PTPRT: variants seen among roughly 807,000 people sequenced by gnomAD.
The protein encoded by PTPRT is receptor-type tyrosine-protein phosphatase T.
A neutral mutation model predicts 176.8 loss-of-function variants in PTPRT; 56 were observed. That is an observed-to-expected ratio of 0.32 (90% CI 0.26 to 0.40). The LOEUF is 0.40. Among genes scored for constraint, PTPRT ranks in the 10% least tolerant of loss-of-function variants. The pLI, the probability that PTPRT is intolerant of heterozygous loss-of-function variation, is 1.00. For synonymous variants in PTPRT, 783 were observed against 739.0 expected (o/e 1.06, Z -0.96); for missense variants, 1,540 against 1,908.2 (o/e 0.81, Z 3.60).
chr20:43,122,053 C>T (rs907429067), intron 1 of PTPRT, among the ~76,000 whole-genome samples: 1 of 152,154 alleles, frequency 6.6e-6, no homozygotes, highest in Non-Finnish European at 1.5e-5. Flanking sequence ...ATTCTAGTCC[C>T]CGGCTTCAGC....
At chr20:42,131,040 CAT>C (rs1988099586) in intron 18 of PTPRT, among the ~76,000 whole-genome samples, 1 of 152,196 alleles carries the variant, frequency 6.6e-6, no homozygotes, top group African/African-American at 2.4e-5. Flanking sequence ...AGTTACGCAT[CAT>C]GTGTGTGGCA....
At position 42,110,299 on chromosome 20, in the gene PTPRT, C is replaced by T. The variant is rs1986893517; in HGVS notation, c.3254+34G>A. 31 of 1,562,842 alleles carry T rather than the reference C, an allele frequency of 2.0e-5. No individual in the cohort carries two copies. The East Asian group carries it at 7.0e-4, about 35-fold the overall frequency. On this transcript the variant is annotated intron_variant, in intron 23 of 30. Coordinates refer to ENST00000373187, the MANE Select transcript of PTPRT (RefSeq NM_007050.6). ...ACTCCTGACCTCGTGATCTGCCCGC[C>T]TCGGCCTCCCAAGGTGAAGGACCTT...
intron 1 of PTPRT, among the ~76,000 whole-genome samples, chr20:43,004,188 A>T (rs1333269843): frequency 1.3e-5 from 2 of 148,958 alleles, no homozygotes; most frequent in African/African-American, 5.0e-5. Flanking sequence ...AAAAAAAAAG[A>T]CTACAAATAT....
chr20:42,936,326 A>G (rs1980189081), intron 1 of PTPRT, among the ~76,000 whole-genome samples: 1 of 152,234 alleles, frequency 6.6e-6, no homozygotes. Context: ...GTCTGGGGGA[A>G]GAGCATTTAG....
intron 7 of PTPRT, among the ~76,000 whole-genome samples, chr20:42,633,784 AATATATATATATATAT>A (rs752371452): frequency 0.27 from 14,666 of 53,406 alleles, 1,792 homozygotes; most frequent in Middle Eastern, 0.36. Flanking sequence ...AGACTCTGAA[AATATATATATATATAT>A]ATATATATAT....
chr20:43,027,572 C>T (rs958990317), intron 1 of PTPRT, among the ~76,000 whole-genome samples: 3 of 151,894 alleles, frequency 2.0e-5, no homozygotes, highest in African/African-American at 4.8e-5. Flanking sequence ...ACAGCAGGGA[C>T]GTGTGGCACA....
At chr20:42,473,720 C>T (rs2071239148) in intron 7 of PTPRT, among the ~76,000 whole-genome samples, 1 of 152,214 alleles carries the variant, frequency 6.6e-6, no homozygotes, top group African/African-American at 2.4e-5. Context: ...AGTGATCCTC[C>T]TGCCTTGGCT....
chr20:42,222,943 C>T (rs143791230), intron 15 of PTPRT, among the ~76,000 whole-genome samples: 25 of 152,200 alleles, frequency 1.6e-4, no homozygotes, highest in Non-Finnish European at 2.5e-4. Flanking sequence ...GGACTGAGCC[C>T]CTAACCTGTG....
intron 7 of PTPRT, among the ~76,000 whole-genome samples, chr20:42,508,612 G>A (rs1359567973): frequency 2.6e-5 from 4 of 152,004 alleles, no homozygotes; most frequent in African/African-American, 9.7e-5. Flanking sequence ...ACCTTACCAA[G>A]ACAGGTATTT....
intron 3 of PTPRT, among the ~76,000 whole-genome samples, chr20:42,786,860 T>C (rs1247184184): frequency 1.3e-5 from 2 of 152,198 alleles, no homozygotes; most frequent in African/African-American, 4.8e-5. Flanking sequence ...TGGGATCTGC[T>C]CTCAGCTTTG....
intron 7 of PTPRT, among the ~76,000 whole-genome samples, chr20:42,560,858 G>C (rs574581413): frequency 2.0e-5 from 3 of 152,228 alleles, no homozygotes; most frequent in East Asian, 3.9e-4. Context: ...AATCCCAGGG[G>C]CTTTAGTGAA....
chr20:42,086,659 G>A (rs1229720182), intron 27 of PTPRT, among the ~76,000 whole-genome samples: 1 of 144,854 alleles, frequency 6.9e-6, no homozygotes, highest in South Asian at 2.3e-4. Context: ...TTCGGGAGGC[G>A]GAGCTTGCAG....
intron 8 of PTPRT, among the ~76,000 whole-genome samples, chr20:42,452,053 G>A (rs1253546526): frequency 2.6e-5 from 4 of 152,106 alleles, no homozygotes; most frequent in Non-Finnish European, 5.9e-5. Flanking sequence ...GGCAGATCAC[G>A]AGATCAAGAG....
chr20:43,031,324 A>G (rs1017999406), intron 1 of PTPRT, among the ~76,000 whole-genome samples: 9 of 152,140 alleles, frequency 5.9e-5, no homozygotes, highest in African/African-American at 2.2e-4. Context: ...GTTGGCATCC[A>G]CTACACACCC....
intron 15 of PTPRT, among the ~76,000 whole-genome samples, chr20:42,234,254 T>C (rs1269842125): frequency 2.0e-5 from 3 of 152,194 alleles, no homozygotes; most frequent in Non-Finnish European, 4.4e-5. Flanking sequence ...TCATCTCATC[T>C]CCTCTTCACA....
At chr20:42,233,189 C>T (rs972627225) in intron 15 of PTPRT, among the ~76,000 whole-genome samples, 13 of 152,182 alleles carry the variant, frequency 8.5e-5, no homozygotes, top group African/African-American at 3.1e-4. Context: ...CATCTGCAAC[C>T]TCTCAGAGGA....
intron 7 of PTPRT, among the ~76,000 whole-genome samples, chr20:42,647,173 A>G (rs1381863279): frequency 6.6e-6 from 1 of 151,978 alleles, no homozygotes; most frequent in Non-Finnish European, 1.5e-5. Context: ...TTGGGATTAC[A>G]GGTGTGAACC....
chr20:42,389,746 T>C (rs2145665419), intron 9 of PTPRT, among the ~76,000 whole-genome samples: 1 of 151,212 alleles, frequency 6.6e-6, no homozygotes, highest in Non-Finnish European at 1.5e-5. Flanking sequence ...TCCCAGCTAC[T>C]CCAGAGGTTA....
chr20:42,569,216 A>C (rs1337549876), intron 7 of PTPRT, among the ~76,000 whole-genome samples: 1 of 150,134 alleles, frequency 6.7e-6, no homozygotes, highest in Non-Finnish European at 1.5e-5. Flanking sequence ...TTCCAATTTC[A>C]AAGATGATAA....
Sources: gnomAD v4.1 joint callset for allele counts (sites outside exome capture counted in the v4.1 genomes callset) on GRCh38, gnomAD v4.1.1 for gene constraint, MANE v1.5 for transcripts, NCBI Gene and HGNC (gene_info 2026-07-23, HGNC 2026-07-21) for gene names.